The following MED12L variants were observed in gnomAD, a reference collection of about 807,000 sequenced individuals.
MED12L encodes the protein mediator complex subunit 12L.
In MED12L, 60 loss-of-function variants were observed where a neutral mutation model predicts 281.3. The observed-to-expected ratio is 0.21, with a 90% CI of 0.17 to 0.26. The LOEUF (loss-of-function observed/expected upper bound fraction) is 0.26, where lower values mean the gene tolerates loss of function less well. MED12L is among the 10% of genes least tolerant of loss of function. The probability of loss-of-function intolerance (pLI) is 1.00; values close to 1 mark genes in which losing one functional copy is unlikely to be tolerated. For synonymous variants in MED12L, 974 were observed against 987.2 expected, an observed-to-expected ratio of 0.99 and a Z score of 0.25; for missense variants, 2,146 against 2,680.9, an observed-to-expected ratio of 0.80 and a Z score of 4.41.
chr3:151,429,746 CCTCA>C (rs1427309677), intron 43 of MED12L, among the ~76,000 whole-genome samples: 13 of 152,116 alleles, frequency 8.5e-5, no homozygotes, highest in Admixed American at 2.0e-4. Flanking sequence ...AAAGTTAGTG[CCTCA>C]CTCACTCATC....
chr3:151,195,117 C>T (rs576077969), intron 16 of MED12L, among the ~76,000 whole-genome samples: 211 of 151,420 alleles, frequency 1.4e-3, no homozygotes, highest in Non-Finnish European at 2.6e-3. Context: ...GAGCCGAGAT[C>T]ACACCACTGC....
At chr3:151,184,357 G>A (rs1405849448) in intron 11 of MED12L, among the ~76,000 whole-genome samples, 1 of 152,182 alleles carries the variant, frequency 6.6e-6, no homozygotes, top group East Asian at 1.9e-4. Flanking sequence ...CATGGCGTGT[G>A]CTCATAGCCA....
chr3:151,313,881 G>A (rs1190755001), intron 16 of MED12L, among the ~76,000 whole-genome samples: 6 of 151,272 alleles, frequency 4.0e-5, no homozygotes, highest in Middle Eastern at 3.4e-3. Flanking sequence ...CAAAGATCAC[G>A]CGACTGCACT....
chr3:151,376,441 T>C (rs960632987), intron 28 of MED12L, among the ~76,000 whole-genome samples: 1 of 152,170 alleles, frequency 6.6e-6, no homozygotes, highest in East Asian at 1.9e-4. Flanking sequence ...CAGTATTGTA[T>C]TTACATGAGA....
chr3:151,285,910 T>A (rs1283945107), intron 16 of MED12L, among the ~76,000 whole-genome samples: 3 of 152,164 alleles, frequency 2.0e-5, no homozygotes, highest in Non-Finnish European at 4.4e-5. Flanking sequence ...GGCTCCTTGA[T>A]CTTGAACTTC....
In MED12L at chr3:151,235,634, C is replaced by T. The variant is rs1732592418; in HGVS notation, c.2250+41968C>T. 2.0e-5 allele frequency among the ~76,000 whole-genome samples: 3 copies of T among 152,050 alleles called. No homozygotes were observed. In the South Asian group the frequency reaches 6.2e-4, roughly 32 times the overall value. On this transcript the variant is annotated intron_variant, in intron 16 of 44. Transcript: ENST00000687756. ...CCTTGAACCTGGGAGGCAGAGGTCGCAGTGAGCTGAGGTCGCGCCACTGCA... is the reference window on the plus strand; with the variant it reads ...CCTTGAACCTGGGAGGCAGAGGTCGTAGTGAGCTGAGGTCGCGCCACTGCA...
chr3:151,229,051 C>T (rs896219741), intron 16 of MED12L, among the ~76,000 whole-genome samples: 1 of 152,324 alleles, frequency 6.6e-6, no homozygotes, highest in East Asian at 1.9e-4. Flanking sequence ...GAGAAAACAA[C>T]AGCTTTAACT....
At chr3:151,368,609 TATTTTATTTTATTTTATTTTATTTC>T (rs1345159010) in intron 25 of MED12L, among the ~76,000 whole-genome samples, 84 of 70,688 alleles carry the variant, frequency 1.2e-3, no homozygotes, top group Non-Finnish European at 2.0e-3. Context: ...TATTTTATTT[TATTTTATTTTATTTTATTTTATTTC>T]ATTTCATTTC....
intron 5 of MED12L, among the ~76,000 whole-genome samples, chr3:151,130,547 C>T (rs1363171539): frequency 2.6e-5 from 4 of 152,172 alleles, no homozygotes; most frequent in Admixed American, 1.3e-4. Context: ...GCAGAAATTA[C>T]GCCACCCTTA....
At chr3:151,136,728 C>T (rs561317535) in intron 5 of MED12L, among the ~76,000 whole-genome samples, 1 of 152,170 alleles carries the variant, frequency 6.6e-6, no homozygotes, top group Admixed American at 6.5e-5. Flanking sequence ...TAAATGAGGG[C>T]TTTCTCTCAT....
At chr3:151,285,239 C>A (rs560981608) in intron 16 of MED12L, among the ~76,000 whole-genome samples, 37 of 152,090 alleles carry the variant, frequency 2.4e-4, no homozygotes, top group South Asian at 6.2e-4. Flanking sequence ...AATCCCAGCA[C>A]TTTGGGAGGC....
intron 2 of MED12L, among the ~76,000 whole-genome samples, chr3:151,088,392 G>T (rs1719559498): frequency 6.6e-6 from 1 of 152,164 alleles, no homozygotes; most frequent in Non-Finnish European, 1.5e-5. Flanking sequence ...AATGGTTAAG[G>T]ACTGGAAATA....
chr3:151,416,202 T>C, intron 42 of MED12L, 110 bp from the exon 43 acceptor site: 1 of 1,582,294 alleles, frequency 6.3e-7, no homozygotes, highest in Non-Finnish European at 8.6e-7. Context: ...AGGTATATAT[T>C]GTTTTTACTA....
At position 151,430,461 on chromosome 3, in the gene MED12L, C is replaced by T. The variant is rs536018329; in HGVS notation, c.6490+81C>T. The T allele has an allele frequency of 2.5e-6, 4 of 1,592,626 alleles. No individual in the cohort carries two copies. The African/African-American group carries it at 4.0e-5, about 16-fold the overall frequency. On this transcript the variant is annotated intron_variant, in intron 44 of 44. Transcript: ENST00000687756. ...CAGCGAAACGTAAAGTGGCGGCTCT[C>T]CCAAGATGGTACCATCTTCCTCAGT...
At chr3:151,360,823 G>T (rs1294592122) in intron 21 of MED12L, among the ~76,000 whole-genome samples, 1 of 151,786 alleles carries the variant, frequency 6.6e-6, no homozygotes, top group Non-Finnish European at 1.5e-5. Context: ...GTGATCATAG[G>T]TTTTTTTTCC....
intron 11 of MED12L, among the ~76,000 whole-genome samples, chr3:151,171,237 C>T (rs974289825): frequency 2.0e-5 from 3 of 152,172 alleles, no homozygotes; most frequent in Admixed American, 2.0e-4. Context: ...TCCACATGCT[C>T]ACTGAGCCTG....
chr3:151,417,834 A>T (rs1488323815), intron 43 of MED12L, among the ~76,000 whole-genome samples: 4 of 152,130 alleles, frequency 2.6e-5, no homozygotes, highest in Non-Finnish European at 4.4e-5. Context: ...CTGATTTAAA[A>T]ATATATATAT....
intron 16 of MED12L, among the ~76,000 whole-genome samples, chr3:151,290,522 G>T (rs1348216056): frequency 1.3e-5 from 2 of 151,802 alleles, no homozygotes; most frequent in Non-Finnish European, 2.9e-5. Flanking sequence ...TGATGATTTT[G>T]TATACTTTTG....
rs756530720 is a variant in MED12L, at chr3:151,165,841, T to A, written c.1358-5T>A. The A allele has an allele frequency of 1.9e-6, 3 of 1,612,926 alleles. No homozygotes were observed. In the South Asian group the frequency reaches 3.3e-5, roughly 18 times the overall value. On this transcript the variant is annotated splice_polypyrimidine_tract_variant and splice_region_variant and intron_variant, in intron 10 of 44. Transcript: ENST00000687756. ...ATTAACCACTTGTTTAATTTCTGCC[T>A]ATAGGGGTGACTATTAGTCGGGTTT...
Sources: allele counts gnomAD v4.1 joint callset (sites outside exome capture counted in the v4.1 genomes callset), GRCh38; gene constraint gnomAD v4.1.1; transcripts MANE v1.5; gene names NCBI Gene and HGNC (gene_info 2026-07-23, HGNC 2026-07-21).